The following DLG1 variants were observed in gnomAD, a reference collection of about 807,000 sequenced individuals.
DLG1 encodes discs large MAGUK scaffold protein 1.
Under a neutral mutation model 123.4 loss-of-function variants are expected in DLG1, and 42 were observed. That is an observed-to-expected ratio of 0.34 (90% confidence interval 0.27 to 0.44). The LOEUF is 0.44. DLG1 is among the 20% of genes least tolerant of loss of function. The pLI is 1.00. For missense variants in DLG1, 942 were observed against 1,082.6 expected (o/e 0.87, Z 1.82); for synonymous variants, 317 against 356.2 (o/e 0.89, Z 1.24).
At chr3:197,203,891 C>A (rs1478851299) in intron 4 of DLG1, among the ~76,000 whole-genome samples, 1 of 152,234 alleles carries the variant, frequency 6.6e-6, no homozygotes, top group Non-Finnish European at 1.5e-5. Flanking sequence ...CTGGTGGGGG[C>A]CCAAACAACA....
At chr3:197,260,957 C>T (rs1415690395) in intron 4 of DLG1, among the ~76,000 whole-genome samples, 4 of 151,904 alleles carry the variant, frequency 2.6e-5, no homozygotes, top group Non-Finnish European at 5.9e-5. Flanking sequence ...CTAAAACTTG[C>T]CTTTTTTTCT....
intron 18 of DLG1, among the ~76,000 whole-genome samples, chr3:197,071,998 CTATT>C (rs774727489): frequency 1.3e-5 from 2 of 152,154 alleles, no homozygotes; most frequent in Non-Finnish European, 2.9e-5. Context: ...CAAAGCAACA[CTATT>C]TAAAATAGCT....
At chr3:197,205,414 A>G (rs1009668116) in intron 4 of DLG1, among the ~76,000 whole-genome samples, 9 of 152,252 alleles carry the variant, frequency 5.9e-5, no homozygotes, top group Non-Finnish European at 1.3e-4. Context: ...CATTAGCAAA[A>G]GAGCTCAGAA....
At chr3:197,281,990 A>C (rs1044964467) in intron 4 of DLG1, among the ~76,000 whole-genome samples, 2 of 152,220 alleles carry the variant, frequency 1.3e-5, no homozygotes, top group African/African-American at 4.8e-5. Context: ...GCACCATCTT[A>C]CACTAACTAG....
At chr3:197,045,723 C>T (rs768572172) in intron 24 of DLG1, among the ~76,000 whole-genome samples, 4 of 152,106 alleles carry the variant, frequency 2.6e-5, no homozygotes, top group Non-Finnish European at 5.9e-5. Flanking sequence ...TACCATTTGC[C>T]TGGGTGACAG....
chr3:197,151,000 T>C (rs1420159885), intron 5 of DLG1, among the ~76,000 whole-genome samples: 1 of 152,092 alleles, frequency 6.6e-6, no homozygotes, highest in African/African-American at 2.4e-5. Context: ...CTTTGAATAA[T>C]TCGGTGAAAG....
chr3:197,280,731 C>T (rs1233870316), intron 4 of DLG1, among the ~76,000 whole-genome samples: 1 of 152,058 alleles, frequency 6.6e-6, no homozygotes, highest in Non-Finnish European at 1.5e-5. Flanking sequence ...ATAAAAAATA[C>T]TAGTAAGCAA....
intron 14 of DLG1, among the ~76,000 whole-genome samples, chr3:197,103,713 C>T (rs1470680550): frequency 6.7e-6 from 1 of 150,182 alleles, no homozygotes; most frequent in Non-Finnish European, 1.5e-5. Flanking sequence ...GCTCAACATG[C>T]TGCTTTGATC....
chr3:197,092,239 T>C (rs571360555), intron 14 of DLG1, among the ~76,000 whole-genome samples: 18 of 152,300 alleles, frequency 1.2e-4, no homozygotes, highest in African/African-American at 4.1e-4. Flanking sequence ...AATGAAAAAT[T>C]AGGACCACTG....
intron 1 of DLG1, chr3:197,297,497 A>C (rs1778046420): frequency 7.9e-7 from 1 of 1,260,972 alleles, no homozygotes; most frequent in Non-Finnish European, 1.0e-6. Context: ...CAAAGAGCCT[A>C]GACCTGAGGC....
chr3:197,222,962 G>A (rs1025416899), intron 4 of DLG1, among the ~76,000 whole-genome samples: 2 of 152,128 alleles, frequency 1.3e-5, no homozygotes, highest in South Asian at 2.1e-4. Context: ...GTTTCTGATC[G>A]TCACATACCT....
intron 22 of DLG1, among the ~76,000 whole-genome samples, chr3:197,064,600 G>GT (rs57832549): frequency 0.28 from 42,249 of 151,816 alleles, 6,256 homozygotes; most frequent in Middle Eastern, 0.36. Flanking sequence ...TTTGTCCACT[G>GT]TTTTTTTCTA....
chr3:197,192,295 C>T (rs751851583), intron 5 of DLG1, among the ~76,000 whole-genome samples: 2 of 151,680 alleles, frequency 1.3e-5, no homozygotes, highest in Admixed American at 6.6e-5. Flanking sequence ...TAAAAAAATA[C>T]AATAAGAAAA....
chr3:197,113,519 T>C (rs974039175), intron 13 of DLG1, among the ~76,000 whole-genome samples: 2 of 152,224 alleles, frequency 1.3e-5, no homozygotes, highest in African/African-American at 4.8e-5. Context: ...CTATGTATAA[T>C]AACATTATTT....
intron 1 of DLG1, chr3:197,298,247 A>C: frequency 2.9e-6 from 1 of 345,688 alleles, no homozygotes; most frequent in Non-Finnish European, 5.2e-6. Context: ...TCGGGTTGGA[A>C]GGGGGAGGCG....
At chr3:197,142,909 T>C in intron 6 of DLG1, 141 bp from the exon 7 acceptor site, 4 of 636,570 alleles carry the variant, frequency 6.3e-6, no homozygotes, top group Non-Finnish European at 1.1e-5. Flanking sequence ...TTAATAATTC[T>C]GGGGAAGATT....
chr3:197,220,316 A>C (rs1050822917), intron 4 of DLG1, among the ~76,000 whole-genome samples: 4 of 152,228 alleles, frequency 2.6e-5, no homozygotes, highest in Admixed American at 2.6e-4. Context: ...TTTAAAATAA[A>C]ATGTTCTTTT....
At position 197,161,258 on chromosome 3, in the gene DLG1, A is replaced by G. The variant is rs1462647299; in HGVS notation, c.484-11462T>C. Among the ~76,000 whole-genome samples the G allele has an allele frequency of 2.6e-5, 4 of 152,324 alleles. No homozygotes were observed. The East Asian group carries it at 7.7e-4, about 29-fold the overall frequency. Reference sequence around the variant, plus strand: ...AGAAGATAAATATATAACAGGAAACAAAGTGTTAAATAAAATGATACATTG... The same window carrying G: ...AGAAGATAAATATATAACAGGAAACGAAGTGTTAAATAAAATGATACATTG... On this transcript the variant is annotated intron_variant, in intron 5 of 24. Coordinates refer to ENST00000667157, the MANE Select transcript of DLG1 (RefSeq NM_001366207.1).
chr3:197,220,530 C>T (rs566887668), intron 4 of DLG1, among the ~76,000 whole-genome samples: 1 of 152,254 alleles, frequency 6.6e-6, no homozygotes, highest in East Asian at 1.9e-4. Flanking sequence ...TCAACTATTT[C>T]TAGCTGCAGA....
Sources: gnomAD v4.1 joint callset for allele counts (sites outside exome capture counted in the v4.1 genomes callset) on GRCh38, gnomAD v4.1.1 for gene constraint, MANE v1.5 for transcripts, NCBI Gene and HGNC (gene_info 2026-07-23, HGNC 2026-07-21) for gene names.